The following KHDRBS2 variants were observed in gnomAD, a reference collection of about 807,000 sequenced individuals.
The protein encoded by KHDRBS2 is KH RNA binding domain containing, signal transduction associated 2.
In KHDRBS2, 26 loss-of-function variants were observed where a neutral mutation model predicts 44.3. The ratio of observed to expected loss-of-function variants is 0.59; its 90% CI spans 0.43 to 0.81. KHDRBS2 has a LOEUF of 0.81. Among genes scored for constraint, KHDRBS2 ranks in the 40% least tolerant of loss-of-function variants. KHDRBS2 has a pLI of 0.00. For synonymous variants in KHDRBS2, 194 were observed against 151.1 expected, an observed-to-expected ratio of 1.28 and a Z score of -2.08; for missense variants, 476 against 433.1, an observed-to-expected ratio of 1.10 and a Z score of -0.88.
At chr6:61,610,002 T>C in the KHDRBS2 span, among the ~76,000 whole-genome samples, 4 of 152,000 alleles carry the variant, frequency 2.6e-5, no homozygotes, top group Admixed American at 2.0e-4. Flanking sequence ...TGAAACCCCG[T>C]CTCTGCTAAA....
intron 2 of KHDRBS2, among the ~76,000 whole-genome samples, chr6:62,065,043 C>T (rs566751695): frequency 2.0e-5 from 3 of 152,322 alleles, no homozygotes; most frequent in South Asian, 4.1e-4. Flanking sequence ...TGCTCGTCAT[C>T]ACTAGCCATC....
chr6:62,109,650 A>G (rs1804531282), intron 2 of KHDRBS2, among the ~76,000 whole-genome samples: 1 of 152,110 alleles, frequency 6.6e-6, no homozygotes, highest in Non-Finnish European at 1.5e-5. Flanking sequence ...GAAAAATACA[A>G]TTAAAATACC....
chr6:62,176,373 T>C (rs1009487217), intron 2 of KHDRBS2, among the ~76,000 whole-genome samples: 1 of 151,366 alleles, frequency 6.6e-6, no homozygotes, highest in East Asian at 1.9e-4. Context: ...AGCATCTAGT[T>C]AATTATATTT....
At chr6:62,080,510 A>G (rs1231478767) in intron 2 of KHDRBS2, among the ~76,000 whole-genome samples, 2 of 152,198 alleles carry the variant, frequency 1.3e-5, no homozygotes, top group Non-Finnish European at 2.9e-5. Context: ...CCAAAGTCCT[A>G]TAATATAGAA....
chr6:61,574,184 C>A, the KHDRBS2 span: 1 of 639,724 alleles, frequency 1.6e-6, no homozygotes. Flanking sequence ...CAAATCTTAC[C>A]CCGCCTGTTT....
the KHDRBS2 span, among the ~76,000 whole-genome samples, chr6:61,607,239 T>G: frequency 6.6e-6 from 1 of 151,892 alleles, no homozygotes; most frequent in East Asian, 1.9e-4. Context: ...ACCATATCTG[T>G]GAGCTGAGAG....
In KHDRBS2 at chr6:61,814,489, C is replaced by G. The variant is rs562168882; in HGVS notation, c.810+80146G>C. ...TGGTGTGGTGCTGCGTGCCTGTAAT[C>G]CCAGCTACTTGGGATGCTGAGGCAG... On this transcript the variant is annotated intron_variant, in intron 6 of 8. Transcript: ENST00000281156. 1.6e-4 allele frequency among the ~76,000 whole-genome samples: 24 copies of G among 146,404 alleles called. No homozygotes were observed. In the East Asian group the frequency reaches 4.0e-3, roughly 25 times the overall value.
intron 6 of KHDRBS2, among the ~76,000 whole-genome samples, chr6:61,795,159 A>G (rs1263486873): frequency 1.3e-4 from 19 of 151,544 alleles, no homozygotes; most frequent in African/African-American, 4.1e-4. Context: ...AAAAAAAAAA[A>G]AAAAAAAAAA....
chr6:62,230,669 A>G (rs745544612), intron 1 of KHDRBS2, among the ~76,000 whole-genome samples: 68 of 152,156 alleles, frequency 4.5e-4, no homozygotes, highest in Non-Finnish European at 3.8e-4. Context: ...AATTATTACT[A>G]TCTCCAATTT....
chr6:62,018,280 TCA>T (rs1781588681), intron 3 of KHDRBS2, among the ~76,000 whole-genome samples: 1 of 150,150 alleles, frequency 6.7e-6, no homozygotes, highest in African/African-American at 2.5e-5. Context: ...ATGTGTATAT[TCA>T]CACACTATAT....
Position 61,858,486 on chromosome 6 carries a change from T to C in KHDRBS2, c.810+36149A>G, listed in dbSNP as rs146749378. ...TTTTAAATTTTAACTGAAAATGTTT[T>C]TGACCCTTGTAAAGATGTAACATGA... is the stretch of plus-strand genomic sequence containing the variant. On this transcript the variant is annotated intron_variant, in intron 6 of 8. Coordinates refer to ENST00000281156, the MANE Select transcript of KHDRBS2 (RefSeq NM_152688.4). Among the ~76,000 whole-genome samples, 7 of 152,104 alleles carry C rather than the reference T, an allele frequency of 4.6e-5. No homozygotes were observed. In the East Asian group the frequency reaches 1.3e-3, roughly 29 times the overall value.
chr6:62,136,119 T>C (rs1811471049), intron 2 of KHDRBS2, among the ~76,000 whole-genome samples: 3 of 152,034 alleles, frequency 2.0e-5, no homozygotes, highest in Middle Eastern at 6.9e-3. Flanking sequence ...AGATGATAGA[T>C]TTACTTGACT....
intron 2 of KHDRBS2, among the ~76,000 whole-genome samples, chr6:62,174,776 T>G (rs1820754863): frequency 6.6e-6 from 1 of 151,834 alleles, no homozygotes; most frequent in Non-Finnish European, 1.5e-5. Flanking sequence ...GAGAAAGCTG[T>G]ATAAAAGAAG....
intron 2 of KHDRBS2, among the ~76,000 whole-genome samples, chr6:62,094,813 G>T (rs142544572): frequency 6.6e-6 from 1 of 151,912 alleles, no homozygotes; most frequent in Non-Finnish European, 1.5e-5. Flanking sequence ...TTATCGAGGG[G>T]TCTCTCCTTT....
chr6:61,634,304 T>C, the KHDRBS2 span, among the ~76,000 whole-genome samples: 1 of 151,618 alleles, frequency 6.6e-6, no homozygotes, highest in African/African-American at 2.4e-5. Flanking sequence ...TTGGGACCCT[T>C]GGAAACCACT....
intron 2 of KHDRBS2, among the ~76,000 whole-genome samples, chr6:62,105,515 T>G (rs952139975): frequency 6.6e-6 from 1 of 152,154 alleles, no homozygotes; most frequent in African/African-American, 2.4e-5. Context: ...GGAGGGTGTA[T>G]GTGTCGAGGA....
At position 62,071,945 on chromosome 6, in the gene KHDRBS2, T is replaced by G. The variant is rs535792139; in HGVS notation, c.220-23951A>C. ...ATTACCTTGGACAGTATGGCCATTTTCATGATATTGATTCTTCCTACCCAT... is the reference window on the plus strand; with the variant it reads ...ATTACCTTGGACAGTATGGCCATTTGCATGATATTGATTCTTCCTACCCAT... On this transcript the variant is annotated intron_variant, in intron 2 of 8. Coordinates refer to ENST00000281156, the MANE Select transcript of KHDRBS2 (RefSeq NM_152688.4). 3.9e-4 allele frequency among the ~76,000 whole-genome samples: 60 copies of G among 152,350 alleles called. 1 individual carries two copies. In the South Asian group the frequency reaches 0.012, roughly 31 times the overall value.
At chr6:61,702,387 C>A (rs1260509018) in intron 7 of KHDRBS2, among the ~76,000 whole-genome samples, 1 of 151,896 alleles carries the variant, frequency 6.6e-6, no homozygotes, top group Non-Finnish European at 1.5e-5. Context: ...GCAGAGCCCA[C>A]CTACCTGCCC....
the KHDRBS2 span, among the ~76,000 whole-genome samples, chr6:61,589,987 T>A: frequency 1.3e-5 from 2 of 152,102 alleles, no homozygotes; most frequent in African/African-American, 4.8e-5. Context: ...AACCTAGCAC[T>A]GAATGGGACT....
Sources: gnomAD v4.1 joint callset for allele counts (sites outside exome capture counted in the v4.1 genomes callset) on GRCh38, gnomAD v4.1.1 for gene constraint, MANE v1.5 for transcripts, NCBI Gene and HGNC (gene_info 2026-07-23, HGNC 2026-07-21) for gene names.